ARHGEF38: variants seen among roughly 807,000 people sequenced by gnomAD.
ARHGEF38 encodes Rho guanine nucleotide exchange factor 38.
ARHGEF38 carries 79 observed loss-of-function variants against 79.9 expected under a neutral mutation model. The ratio of observed to expected loss-of-function variants is 0.99; its 90% CI spans 0.82 to 1.19. ARHGEF38 has a LOEUF of 1.19. Among genes scored for constraint, ARHGEF38 ranks in the 50% most tolerant of loss-of-function variants. The pLI, the probability that ARHGEF38 is intolerant of heterozygous loss-of-function variation, is 0.00. For missense variants in ARHGEF38, 962 were observed against 907.2 expected, an observed-to-expected ratio of 1.06 and a Z score of -0.78; for synonymous variants, 366 against 328.3, an observed-to-expected ratio of 1.11 and a Z score of -1.24.
At chr4:105,619,537 G>A (rs573149821) in intron 3 of ARHGEF38, among the ~76,000 whole-genome samples, 1 of 152,126 alleles carries the variant, frequency 6.6e-6, no homozygotes, top group East Asian at 1.9e-4. Flanking sequence ...AACTAATACA[G>A]ATTAACAGGT....
Position 105,680,174 on chromosome 4 carries a change from A to T in ARHGEF38, c.*2237A>T. On this transcript the variant is annotated 3_prime_UTR_variant, in exon 14 of 14. Coordinates refer to ENST00000420470, the MANE Select transcript of ARHGEF38 (RefSeq NM_001242729.2). ...CTGGAATTTAAAACCAGGTCTTCTG[A>T]CTTTAAGGCCTTTCTTTTAGTGTTT... 1 of 568,994 alleles carries T rather than the reference A, an allele frequency of 1.8e-6. No homozygotes were observed. The highest frequency in any genetic ancestry group is 2.8e-5 in the Admixed American group (1 of 35,202). The allele number at this position is 568,994 out of a possible 1,614,324, so 35.2% of individuals were successfully genotyped here.
At chr4:105,583,480 T>C (rs184270551) in intron 1 of ARHGEF38, among the ~76,000 whole-genome samples, 66 of 152,290 alleles carry the variant, frequency 4.3e-4, no homozygotes, top group Admixed American at 4.1e-3. Flanking sequence ...CCAGTTCATC[T>C]GCTAAAAACC....
intron 7 of ARHGEF38, among the ~76,000 whole-genome samples, chr4:105,652,896 T>A (rs1456863436): frequency 6.6e-6 from 1 of 152,140 alleles, no homozygotes; most frequent in Admixed American, 6.5e-5. Context: ...AAATAAAATG[T>A]CACCATTTTT....
intron 13 of ARHGEF38, 122 bp downstream of exon 13, chr4:105,667,825 C>T: frequency 1.7e-6 from 2 of 1,155,042 alleles, no homozygotes; most frequent in African/African-American, 1.5e-5. Flanking sequence ...GGAGACCTGG[C>T]TCTATTAGCA....
intron 2 of ARHGEF38, among the ~76,000 whole-genome samples, chr4:105,612,316 G>A (rs986166402): frequency 2.0e-5 from 3 of 151,854 alleles, no homozygotes; most frequent in African/African-American, 4.8e-5. Flanking sequence ...CTAATTTCTC[G>A]GCACATTTTC....
At chr4:105,557,941 G>A (rs1425448208) in intron 1 of ARHGEF38, among the ~76,000 whole-genome samples, 1 of 152,116 alleles carries the variant, frequency 6.6e-6, no homozygotes, top group Non-Finnish European at 1.5e-5. Flanking sequence ...AGGTGAAAAG[G>A]TGAGAATACA....
At chr4:105,595,297 T>C (rs1727530229) in intron 2 of ARHGEF38, among the ~76,000 whole-genome samples, 2 of 152,202 alleles carry the variant, frequency 1.3e-5, no homozygotes, top group South Asian at 4.1e-4. Flanking sequence ...TGTGTATTTA[T>C]TTTGAATTTA....
chr4:105,622,858 CAT>C (rs1308883882), intron 3 of ARHGEF38, among the ~76,000 whole-genome samples: 6 of 152,152 alleles, frequency 3.9e-5, no homozygotes, highest in South Asian at 2.1e-4. Flanking sequence ...ATTTTGCACA[CAT>C]GTTATTTCAT....
rs1180655262 is a variant in ARHGEF38 at position 105,659,101 on chromosome 4, G to A, written c.1281G>A (p.Leu427=). The change falls in exon 10 of 14, where the codon CTG becomes CTA. Residue 427 remains leucine (L), a synonymous_variant. Transcript: ENST00000420470. ...RLILTPLSAL[L]SLFPGPHKLI... ...TCCTGACCCCCTTGTCAGCCCTGCT[G>A]TCCTTATTCCCAGGGCCTCACAAGC... 3 of 1,536,150 alleles carry A rather than the reference G, an allele frequency of 2.0e-6. No homozygotes were observed. Among genetic ancestry groups the A allele is most frequent in the Non-Finnish European group, 2.6e-6 (3 of 1,146,886 alleles).
intron 1 of ARHGEF38, among the ~76,000 whole-genome samples, chr4:105,556,766 C>A (rs750089526): frequency 6.6e-6 from 1 of 152,042 alleles, no homozygotes; most frequent in African/African-American, 2.4e-5. Flanking sequence ...CAGGCCCAAG[C>A]AGGAAACTGG....
intron 2 of ARHGEF38, among the ~76,000 whole-genome samples, chr4:105,602,828 A>G (rs1727883587): frequency 6.6e-6 from 1 of 152,190 alleles, no homozygotes; most frequent in Non-Finnish European, 1.5e-5. Context: ...TGTTCAAAAA[A>G]AAGAGACAAG....
At chr4:105,592,208 A>G (rs907122305) in intron 2 of ARHGEF38, among the ~76,000 whole-genome samples, 5 of 152,082 alleles carry the variant, frequency 3.3e-5, no homozygotes, top group African/African-American at 1.2e-4. Flanking sequence ...TATTCATGCA[A>G]ATAACCCATG....
chr4:105,559,542 A>T (rs1381158290), intron 1 of ARHGEF38, among the ~76,000 whole-genome samples: 1 of 152,146 alleles, frequency 6.6e-6, no homozygotes, highest in East Asian at 1.9e-4. Context: ...CCCCTGCCAA[A>T]TTTTGGCATA....
intron 3 of ARHGEF38, among the ~76,000 whole-genome samples, chr4:105,627,384 G>A (rs1298220650): frequency 6.6e-6 from 1 of 152,122 alleles, no homozygotes; most frequent in Non-Finnish European, 1.5e-5. Flanking sequence ...TGTTGGGGCT[G>A]CACGTGAGAG....
intron 1 of ARHGEF38, chr4:105,570,066 G>T (rs1004423205): frequency 6.6e-6 from 1 of 152,158 alleles, no homozygotes; most frequent in Non-Finnish European, 1.5e-5. Context: ...AAGGGAGAGA[G>T]CCCAGGCTTC....
In ARHGEF38 at chr4:105,679,402, T is replaced by G. The variant is rs1731231207; in HGVS notation, c.*1465T>G. ...GTAATCTGAGACACTGCATTACTAT[T>G]CAGCTTTCTAAGTTCTTTCCAAGCA... On this transcript the variant is annotated 3_prime_UTR_variant, in exon 14 of 14. Transcript: ENST00000420470. The G allele has an allele frequency of 2.0e-6, 3 of 1,496,712 alleles. No individual in the cohort carries two copies. Among genetic ancestry groups the G allele is most frequent in the Non-Finnish European group, 1.9e-6 (2 of 1,075,838 alleles). 92.7% of individuals were successfully genotyped at this position (1,496,712 alleles called of 1,614,324 possible).
chr4:105,563,520 A>G (rs1302632995), intron 1 of ARHGEF38, among the ~76,000 whole-genome samples: 2 of 152,222 alleles, frequency 1.3e-5, no homozygotes, highest in Non-Finnish European at 2.9e-5. Flanking sequence ...TATAGATGAT[A>G]AAACAGAGGT....
chr4:105,681,098 A>G (rs1222904169), downstream of ARHGEF38: 2 of 152,062 alleles, frequency 1.3e-5, no homozygotes, highest in Non-Finnish European at 2.9e-5. Context: ...ATCAAAATAA[A>G]TCTGTTTCTC....
At chr4:105,577,571 T>C (rs1353313078) in intron 1 of ARHGEF38, among the ~76,000 whole-genome samples, 1 of 151,962 alleles carries the variant, frequency 6.6e-6, no homozygotes, top group Non-Finnish European at 1.5e-5. Context: ...GTTGTTGTTG[T>C]TGTTGGCAAA....
Sources: gnomAD v4.1 joint callset for allele counts (sites outside exome capture counted in the v4.1 genomes callset) on GRCh38, gnomAD v4.1.1 for gene constraint, MANE v1.5 for transcripts, NCBI Gene and HGNC (gene_info 2026-07-23, HGNC 2026-07-21) for gene names.